GSDMC: variants seen among roughly 807,000 people sequenced by gnomAD.
GSDMC encodes gasdermin-C.
GSDMC carries 59 observed loss-of-function variants against 58.0 expected under a neutral mutation model. The observed-to-expected ratio is 1.02, with a 90% CI of 0.82 to 1.26. The LOEUF is 1.26. Ranked by LOEUF, GSDMC falls within the 50% of genes most tolerant of loss-of-function variation. GSDMC has a pLI of 0.00. For missense variants in GSDMC, 659 were observed against 598.5 expected (o/e 1.10, Z -1.06); for synonymous variants, 241 against 220.2 (o/e 1.09, Z -0.83).
At chr8:129,785,956 G>T (rs2034543789) in intron 1 of GSDMC, 55 bp downstream of exon 1, 1 of 152,130 alleles carries the variant, frequency 6.6e-6, no homozygotes, top group South Asian at 2.1e-4. Context: ...GAACATTTTT[G>T]TCGCTGATGA....
At chr8:129,726,395 G>A in the GSDMC span, among the ~76,000 whole-genome samples, 1 of 152,128 alleles carries the variant, frequency 6.6e-6, no homozygotes, top group Non-Finnish European at 1.5e-5. Flanking sequence ...AGGAGGGCAG[G>A]GTGTGAGAGA....
intron 11 of GSDMC, 117 bp downstream of exon 11, chr8:129,750,314 T>C: frequency 8.4e-7 from 1 of 1,189,660 alleles, no homozygotes; most frequent in Non-Finnish European, 1.2e-6. Flanking sequence ...CCCCAGTCTT[T>C]CTCATTCCCC....
At chr8:129,774,779 AT>A (rs2034170791) in intron 3 of GSDMC, among the ~76,000 whole-genome samples, 1 of 152,174 alleles carries the variant, frequency 6.6e-6, no homozygotes, top group Non-Finnish European at 1.5e-5. Flanking sequence ...CTAAATAGAT[AT>A]TTTCTCCAAA....
At chr8:129,720,135 G>C in the GSDMC span, among the ~76,000 whole-genome samples, 1 of 152,162 alleles carries the variant, frequency 6.6e-6, no homozygotes, top group East Asian at 1.9e-4. Context: ...AGCCAAGCTA[G>C]AAAGTAGACA....
chr8:129,742,819 A>G, the GSDMC span, among the ~76,000 whole-genome samples: 1 of 152,248 alleles, frequency 6.6e-6, no homozygotes, highest in African/African-American at 2.4e-5. Context: ...TTTCCAGCAG[A>G]AGGAAAAATC....
rs150792538 is a variant in GSDMC, at chr8:129,752,764, G to A, written c.778C>T (p.Pro260Ser). The change falls in exon 7 of 14, where the codon CCA becomes TCA. Residue 260 changes from proline (P) to serine (S), a missense_variant. Physicochemically the swap from Pro to Ser is moderately conservative, Grantham distance 74. Coordinates refer to ENST00000276708, the MANE Select transcript of GSDMC (RefSeq NM_031415.3). ...YCAARSEGLL[P>S]SFHTISPTLF... ...GTTGGAGAGATGGTATGAAATGATG[G>A]TAGCAACCCCTCACTCCTCGCAGCA... The A allele has an allele frequency of 5.4e-5, 87 of 1,614,182 alleles. 1 individual carries two copies. The East Asian group carries it at 1.8e-3, about 34-fold the overall frequency.
At chr8:129,757,389 T>A (rs1177141292) in intron 6 of GSDMC, among the ~76,000 whole-genome samples, 5 of 151,968 alleles carry the variant, frequency 3.3e-5, no homozygotes, top group Non-Finnish European at 5.9e-5. Context: ...TAATGAGTAA[T>A]GAGATAGAAG....
chr8:129,740,217 A>C, the GSDMC span, among the ~76,000 whole-genome samples: 1 of 152,242 alleles, frequency 6.6e-6, no homozygotes, highest in Non-Finnish European at 1.5e-5. Flanking sequence ...AAAAAGTCAC[A>C]GTAAGCTAAG....
chr8:129,768,226 T>C (rs1293739846), intron 3 of GSDMC, among the ~76,000 whole-genome samples: 5 of 152,210 alleles, frequency 3.3e-5, no homozygotes, highest in African/African-American at 1.2e-4. Flanking sequence ...AAGGTTGGAC[T>C]GACTGGTGAA....
At chr8:129,781,553 GCTAACACGGTGAA>G (rs1442394687) in intron 1 of GSDMC, among the ~76,000 whole-genome samples, 1 of 151,470 alleles carries the variant, frequency 6.6e-6, no homozygotes. Flanking sequence ...GACCGTCCTG[GCTAACACGGTGAA>G]ACCCTGTCTC....
the GSDMC span, among the ~76,000 whole-genome samples, chr8:129,716,105 A>G: frequency 1.3e-5 from 2 of 152,232 alleles, no homozygotes; most frequent in African/African-American, 4.8e-5. Context: ...AGGAAACAAC[A>G]TATGGGCAAT....
At chr8:129,710,673 T>C in the GSDMC span, among the ~76,000 whole-genome samples, 4 of 152,194 alleles carry the variant, frequency 2.6e-5, no homozygotes, top group Non-Finnish European at 4.4e-5. Context: ...TACTGAGTCA[T>C]GATGAACTAA....
At chr8:129,718,835 T>C in the GSDMC span, among the ~76,000 whole-genome samples, 2 of 152,310 alleles carry the variant, frequency 1.3e-5, no homozygotes, top group East Asian at 3.9e-4. Context: ...TTATACACCA[T>C]GGAAATACTA....
At chr8:129,768,839 G>A (rs1183885301) in intron 3 of GSDMC, among the ~76,000 whole-genome samples, 1 of 152,128 alleles carries the variant, frequency 6.6e-6, no homozygotes, top group Non-Finnish European at 1.5e-5. Context: ...CAGCACTTTG[G>A]GAGACCAAGG....
At chr8:129,784,661 C>T (rs1387176636) in intron 1 of GSDMC, among the ~76,000 whole-genome samples, 1 of 152,194 alleles carries the variant, frequency 6.6e-6, no homozygotes, top group Admixed American at 6.5e-5. Flanking sequence ...TAAATTAGTA[C>T]AGCCACTATG....
intron 8 of GSDMC, 42 bp from the exon 9 acceptor site, chr8:129,751,933 A>C: frequency 6.3e-7 from 1 of 1,592,560 alleles, no homozygotes; most frequent in Non-Finnish European, 8.6e-7. Context: ...AGGCTCAAAG[A>C]CTAGATTTCT....
chr8:129,761,234 A>G (rs955066321), intron 5 of GSDMC, among the ~76,000 whole-genome samples: 3 of 152,100 alleles, frequency 2.0e-5, no homozygotes, highest in African/African-American at 7.2e-5. Flanking sequence ...ACTGACACCA[A>G]TTCATCTTCA....
intron 5 of GSDMC, 113 bp downstream of exon 5, chr8:129,762,513 T>C: frequency 1.4e-6 from 1 of 738,356 alleles, no homozygotes; most frequent in African/African-American, 1.7e-5. Context: ...TCTCCTTGGA[T>C]AGGCAGAGCA....
At chr8:129,728,490 C>G in the GSDMC span, among the ~76,000 whole-genome samples, 1 of 152,186 alleles carries the variant, frequency 6.6e-6, no homozygotes, top group Non-Finnish European at 1.5e-5. Context: ...TGGTGGCCAC[C>G]CACTGGATTC....
Sources: allele counts gnomAD v4.1 joint callset (sites outside exome capture counted in the v4.1 genomes callset), GRCh38; gene constraint gnomAD v4.1.1; transcripts MANE v1.5; gene names NCBI Gene and HGNC (gene_info 2026-07-23, HGNC 2026-07-21).